TENM2: variants seen among roughly 807,000 people sequenced by gnomAD.
The protein encoded by TENM2 is teneurin-2.
In TENM2, 52 loss-of-function variants were observed where a neutral mutation model predicts 245.2. The ratio of observed to expected loss-of-function variants is 0.21; its 90% confidence interval spans 0.17 to 0.27. The LOEUF (loss-of-function observed/expected upper bound fraction) is 0.27, where lower values mean the gene tolerates loss of function less well. Among genes scored for constraint, TENM2 ranks in the 10% least tolerant of loss-of-function variants. The pLI, the probability that TENM2 is intolerant of heterozygous loss-of-function variation, is 1.00. For synonymous variants in TENM2, 1,363 were observed against 1,438.9 expected, an observed-to-expected ratio of 0.95 and a Z score of 1.19; for missense variants, 3,046 against 3,666.8, an observed-to-expected ratio of 0.83 and a Z score of 4.37.
intron 2 of TENM2, among the ~76,000 whole-genome samples, chr5:167,570,971 T>G (rs1774230679): frequency 6.6e-6 from 1 of 152,246 alleles, no homozygotes; most frequent in Admixed American, 6.5e-5. Flanking sequence ...TTATTGAGTT[T>G]TAAGCATATT....
intron 2 of TENM2, among the ~76,000 whole-genome samples, chr5:167,552,909 G>A (rs1045802553): frequency 5.3e-5 from 7 of 132,768 alleles, no homozygotes; most frequent in Non-Finnish European, 9.5e-5. Context: ...GATGTGCAAT[G>A]GTAAGTTAAT....
chr5:168,039,448 A>G (rs913689133), intron 5 of TENM2, among the ~76,000 whole-genome samples: 4 of 152,188 alleles, frequency 2.6e-5, no homozygotes, highest in Non-Finnish European at 5.9e-5. Flanking sequence ...AAAATCCCAG[A>G]CCATGATTTA....
the TENM2 span, among the ~76,000 whole-genome samples, chr5:166,996,074 T>G: frequency 6.6e-6 from 1 of 152,160 alleles, no homozygotes; most frequent in Admixed American, 6.5e-5. Context: ...CTGGGCGCAG[T>G]GACTCACGTC....
chr5:167,050,724 A>G, the TENM2 span, among the ~76,000 whole-genome samples: 6 of 152,284 alleles, frequency 3.9e-5, no homozygotes, highest in South Asian at 1.0e-3. Context: ...GTCTGTCTGC[A>G]TAGTTCTTTC....
At chr5:167,861,422 G>A (rs1262051444) in intron 2 of TENM2, among the ~76,000 whole-genome samples, 5 of 152,188 alleles carry the variant, frequency 3.3e-5, no homozygotes, top group Admixed American at 3.3e-4. Context: ...AATGACAAAC[G>A]TCTACAAAGA....
chr5:168,246,730 T>C (rs747283278), intron 26 of TENM2, 27 bp from the exon 29 acceptor site: 3 of 1,603,910 alleles, frequency 1.9e-6, no homozygotes, highest in Admixed American at 1.7e-5. Context: ...CCAACTGATA[T>C]GTTCTGTTCC....
At chr5:167,228,707 A>AT in the TENM2 span, among the ~76,000 whole-genome samples, 27,796 of 148,294 alleles carry the variant, frequency 0.19, 2,888 homozygotes, top group African/African-American at 0.28. Context: ...ACTTCTTCCA[A>AT]TTTTTTTTTA....
chr5:167,536,582 G>T (rs982092640), intron 2 of TENM2, among the ~76,000 whole-genome samples: 3 of 152,122 alleles, frequency 2.0e-5, no homozygotes, highest in African/African-American at 2.4e-5. Context: ...AACTCAAAGA[G>T]AATAGTAGTC....
chr5:167,044,069 G>GA, the TENM2 span, among the ~76,000 whole-genome samples: 2 of 151,826 alleles, frequency 1.3e-5, no homozygotes, highest in African/African-American at 4.8e-5. Flanking sequence ...AGGAAGGAAG[G>GA]AAGGAAGGAA....
intron 2 of TENM2, among the ~76,000 whole-genome samples, chr5:167,441,994 A>T (rs1259002843): frequency 2.0e-5 from 3 of 152,174 alleles, no homozygotes; most frequent in African/African-American, 7.2e-5. Flanking sequence ...TGCTTTAAAA[A>T]TTTGTTTATG....
At chr5:167,507,966 T>C (rs1769667194) in intron 2 of TENM2, among the ~76,000 whole-genome samples, 1 of 152,034 alleles carries the variant, frequency 6.6e-6, no homozygotes, top group African/African-American at 2.4e-5. Flanking sequence ...TCACAAATGA[T>C]TAGCGGAATG....
At chr5:167,602,062 A>G (rs747335447) in intron 2 of TENM2, among the ~76,000 whole-genome samples, 16 of 151,184 alleles carry the variant, frequency 1.1e-4, no homozygotes, top group Admixed American at 2.6e-4. Context: ...TTTTCTTGCC[A>G]GGAAACGTGG....
the TENM2 span, among the ~76,000 whole-genome samples, chr5:167,278,090 G>C: frequency 6.6e-6 from 1 of 151,894 alleles, no homozygotes; most frequent in African/African-American, 2.4e-5. Context: ...GATCTCTTGG[G>C]CCCAGGAGTT....
chr5:167,158,024 C>A, the TENM2 span, among the ~76,000 whole-genome samples: 1 of 152,158 alleles, frequency 6.6e-6, no homozygotes, highest in African/African-American at 2.4e-5. Flanking sequence ...TTGTGAACCC[C>A]ATGACATTTC....
At chr5:167,258,340 G>T in the TENM2 span, among the ~76,000 whole-genome samples, 1 of 151,636 alleles carries the variant, frequency 6.6e-6, no homozygotes, top group African/African-American at 2.4e-5. Context: ...AATAAAAAGG[G>T]TAAACTTTCC....
chr5:167,509,535 T>G (rs1410987625), intron 2 of TENM2, among the ~76,000 whole-genome samples: 1 of 152,220 alleles, frequency 6.6e-6, no homozygotes, highest in Non-Finnish European at 1.5e-5. Context: ...TTCTTGGAAT[T>G]ATATTTCTTA....
chr5:167,955,877 A>C (rs1561979052), intron 4 of TENM2, among the ~76,000 whole-genome samples: 1 of 152,154 alleles, frequency 6.6e-6, no homozygotes. Context: ...GTAACCTTGT[A>C]GTATAGTTTG....
At chr5:167,942,513 C>A (rs1779264426) in intron 3 of TENM2, among the ~76,000 whole-genome samples, 1 of 152,076 alleles carries the variant, frequency 6.6e-6, no homozygotes. Context: ...AGAAAGAAAC[C>A]TTTCTTCTAG....
the TENM2 span, among the ~76,000 whole-genome samples, chr5:167,047,666 A>G: frequency 1.4e-4 from 22 of 152,190 alleles, no homozygotes; most frequent in Non-Finnish European, 1.5e-5. Context: ...TGAGATTTCA[A>G]AAACCTCCTA....
Sources: allele counts gnomAD v4.1 joint callset (sites outside exome capture counted in the v4.1 genomes callset), GRCh38; gene constraint gnomAD v4.1.1; transcripts MANE v1.5; gene names NCBI Gene and HGNC (gene_info 2026-07-23, HGNC 2026-07-21).